Variants in NDRG4 observed in about 807,000 individuals in gnomAD.
NDRG4 encodes the protein NDRG family member 4, also known as protein NDRG4.
NDRG4 carries 38 observed loss-of-function variants against 55.8 expected under a neutral mutation model. The observed-to-expected ratio is 0.68, with a 90% CI of 0.53 to 0.89. The LOEUF (loss-of-function observed/expected upper bound fraction) is 0.89, where lower values mean the gene tolerates loss of function less well. NDRG4 is among the 40% of genes least tolerant of loss of function. The probability of loss-of-function intolerance (pLI) is 0.00; values close to 1 mark genes in which losing one functional copy is unlikely to be tolerated. For synonymous variants in NDRG4, 190 were observed against 182.7 expected (o/e 1.04, Z -0.32); for missense variants, 455 against 468.6 (o/e 0.97, Z 0.27).
In NDRG4 at chr16:58,493,993, G is replaced by T. The variant is rs568112040; in HGVS notation, c.73-971G>T. Among the ~76,000 whole-genome samples, 3 of 152,300 alleles carry T rather than the reference G, an allele frequency of 2.0e-5. No homozygotes were observed. In the East Asian group the frequency reaches 5.8e-4, roughly 29 times the overall value. On this transcript the variant is annotated intron_variant, in intron 2 of 15. Coordinates refer to the NDRG4 transcript ENST00000258187. ...GAGAGCCTGGCAACTCAGACGCGGG[G>T]TTCCAGCCCCCGCTCCTCCCCAGCC...
intron 12 of NDRG4, 24 bp from the exon 13 acceptor site, chr16:58,509,277 A>G (rs1240993926): frequency 6.2e-7 from 1 of 1,613,912 alleles, no homozygotes; most frequent in African/African-American, 1.3e-5. Flanking sequence ...CAATGAAAGC[A>G]TGTGCTTGTC....
intron 1 of NDRG4, among the ~76,000 whole-genome samples, chr16:58,478,411 G>A (rs935584190): frequency 6.6e-6 from 1 of 151,380 alleles, no homozygotes; most frequent in East Asian, 1.9e-4. Context: ...AAGTGTCAAG[G>A]TTATAAAAGA....
At chr16:58,486,462 A>G (rs945408716) in intron 1 of NDRG4, among the ~76,000 whole-genome samples, 4 of 151,724 alleles carry the variant, frequency 2.6e-5, no homozygotes, top group Non-Finnish European at 4.4e-5. Context: ...GCCTGGCCAA[A>G]AAAAAAAAAA....
intron 1 of NDRG4, among the ~76,000 whole-genome samples, chr16:58,471,707 C>T (rs2151570525): frequency 6.6e-6 from 1 of 152,262 alleles, no homozygotes; most frequent in South Asian, 2.1e-4. Flanking sequence ...AGCCCCATAA[C>T]AAATAACCCT....
intron 5 of NDRG4, chr16:58,505,988 C>T (rs1292720648): frequency 3.1e-6 from 1 of 327,114 alleles, no homozygotes; most frequent in Non-Finnish European, 5.8e-6. Context: ...TCCCAAAGTG[C>T]TGGGATTACA....
At chr16:58,469,975 A>C (rs2032453580) in intron 1 of NDRG4, among the ~76,000 whole-genome samples, 1 of 152,238 alleles carries the variant, frequency 6.6e-6, no homozygotes, top group African/African-American at 2.4e-5. Context: ...AGATGTTTCA[A>C]AACATATTTT....
At chr16:58,476,208 A>T (rs941003475) in intron 1 of NDRG4, among the ~76,000 whole-genome samples, 3 of 152,234 alleles carry the variant, frequency 2.0e-5, no homozygotes, top group Admixed American at 2.0e-4. Context: ...CCACCTACTC[A>T]TCTAAAATAT....
upstream of NDRG4, among the ~76,000 whole-genome samples, chr16:58,498,477 T>A (rs2151756289): frequency 6.6e-6 from 1 of 152,234 alleles, no homozygotes; most frequent in East Asian, 1.9e-4. Context: ...GACCACTTTC[T>A]CCAAGGGCAG....
chr16:58,506,872 C>G (rs1314754820), intron 7 of NDRG4, 40 bp from the exon 8 acceptor site: 3 of 1,568,742 alleles, frequency 1.9e-6, no homozygotes, highest in Non-Finnish European at 2.6e-6. Context: ...GTCCCTCTGT[C>G]TGCCCCTCTG....
At position 58,507,808 on chromosome 16, in the gene NDRG4, C is replaced by T. The variant is rs1447990565; in HGVS notation, c.621C>T (p.Ser207=). ...NLQLFWNMYN[S]RRDLDINRPG... ...CTCTGCCCCTCCCCCTGCCCCACAGCCGCAGAGACCTGGACATTAACCGGC... is the reference window on the plus strand; with the variant it reads ...CTCTGCCCCTCCCCCTGCCCCACAGTCGCAGAGACCTGGACATTAACCGGC... The change falls in exon 9 of 15, where the codon AGC becomes AGT. Residue 207 remains serine (S), a splice_region_variant and synonymous_variant. Transcript: ENST00000570248. 8.1e-6 allele frequency: 13 copies of T among 1,613,456 alleles called. No individual in the cohort carries two copies. In the Admixed American group the frequency reaches 1.5e-4, roughly 19 times the overall value.
At position 58,464,794 on chromosome 16, in the gene NDRG4, TAAGA is replaced by T; in HGVS notation, c.-24+1001_-24+1004del. 7.8e-7 allele frequency: 1 copy of T among 1,277,016 alleles called. No homozygotes were observed. Among genetic ancestry groups the T allele is most frequent in the African/African-American group, 1.5e-5 (1 of 64,990 alleles). The allele number at this position is 1,277,016 out of a possible 1,614,324, so 79.1% of individuals were successfully genotyped here. A position where few individuals can be genotyped will look rare whatever the true frequency, so the allele number is the denominator to read the frequency against. On this transcript the variant is annotated intron_variant, in intron 1 of 15. Coordinates refer to the NDRG4 transcript ENST00000258187. This position sits in a 1 kb window ranked among gnomAD's most constrained non-coding sequence, Gnocchi z 4.8. ...CCTCCAATCAGTGTCGCTTGTCCCC[TAAGA>T]AAGGACCCGTGGGCTTCTGGCAGGA...
At chr16:58,472,023 A>G (rs2151573334) in intron 1 of NDRG4, among the ~76,000 whole-genome samples, 1 of 152,266 alleles carries the variant, frequency 6.6e-6, no homozygotes. Context: ...ATGGCTTTTA[A>G]CAATATTGGC....
intron 12 of NDRG4, 42 bp from the exon 13 acceptor site, chr16:58,509,259 T>C: frequency 6.2e-7 from 1 of 1,613,908 alleles, no homozygotes; most frequent in Non-Finnish European, 8.5e-7. Context: ...CTGCTAATCC[T>C]AGGCAGCCAA....
Position 58,507,865 on chromosome 16 carries a change from G to A in NDRG4, c.677+1G>A. 6.2e-7 allele frequency: 1 copy of A among 1,614,040 alleles called. No homozygotes were observed. Among genetic ancestry groups the A allele is most frequent in the Non-Finnish European group, 8.5e-7 (1 of 1,179,996 alleles). Reference sequence around the variant, plus strand: ...CGGTGCCCAATGCCAAGACGCTCCGGTGAGTGGCCCCTGGCCCTCTGGCCT... The same window carrying A: ...CGGTGCCCAATGCCAAGACGCTCCGATGAGTGGCCCCTGGCCCTCTGGCCT... On this transcript the variant is annotated splice_donor_variant, in intron 9 of 14. Transcript: ENST00000570248. LOFTEE classifies it high-confidence loss of function.
downstream of NDRG4, chr16:58,515,358 T>C (rs34737210): frequency 0.064 from 41,268 of 646,326 alleles, 1,576 homozygotes; most frequent in Middle Eastern, 0.12. Flanking sequence ...GTGAGTGCAA[T>C]TGGAGATCCT....
At chr16:58,507,780 T>C in intron 8 of NDRG4, 28 bp from the exon 9 acceptor site, 1 of 1,611,290 alleles carries the variant, frequency 6.2e-7, no homozygotes, top group Non-Finnish European at 8.5e-7. Context: ...TGCCCACCTC[T>C]GCCTCTGCCC....
Position 58,509,208 on chromosome 16 carries a change from C to A in NDRG4, c.813+19C>A, listed in dbSNP as rs763120340. Reference sequence around the variant, plus strand: ...CACACAGGTGAGACTTTTGGCCCTCCTGCCCTTACATCTATGGGGAGGGGG... The same window carrying A: ...CACACAGGTGAGACTTTTGGCCCTCATGCCCTTACATCTATGGGGAGGGGG... On this transcript the variant is annotated intron_variant, in intron 12 of 14. Transcript: ENST00000570248. 3.9e-5 allele frequency: 63 copies of A among 1,613,910 alleles called. No individual in the cohort carries two copies. Among genetic ancestry groups the A allele is most frequent in the Non-Finnish European group, 4.9e-5 (58 of 1,180,006 alleles).
chr16:58,495,219 A>G, upstream of NDRG4, among the ~76,000 whole-genome samples: 1 of 152,198 alleles, frequency 6.6e-6, no homozygotes, highest in East Asian at 1.9e-4. Context: ...AAAGAGAGTG[A>G]GGGATGTTGT....
chr16:58,504,083 T>G lies in NDRG4; in HGVS notation c.128-71T>G, dbSNP rs1037406896. 4 of 1,603,860 alleles carry G rather than the reference T, an allele frequency of 2.5e-6. No individual in the cohort carries two copies. The African/African-American group carries it at 5.3e-5, about 21-fold the overall frequency. On this transcript the variant is annotated intron_variant, in intron 2 of 14. Coordinates refer to ENST00000570248, the MANE Select transcript of NDRG4 (RefSeq NM_001242835.2). ...GCTTACACTTCTGCCTTGCCTGCCC[T>G]CTGGGGGCCCGGCCTTCCTTCCAGT...
Sources: gnomAD v4.1 joint callset for allele counts (sites outside exome capture counted in the v4.1 genomes callset) on GRCh38, gnomAD v4.1.1 for gene constraint, Gnocchi (gnomAD v3.1) non-coding constraint, MANE v1.5 for transcripts, NCBI Gene and HGNC (gene_info 2026-07-23, HGNC 2026-07-21) for gene names.